Variants in PREP observed in about 807,000 individuals in gnomAD.
PREP encodes prolyl endopeptidase, also known as dJ355L5.1 (prolyl endopeptidase).
Under a neutral mutation model 87.6 loss-of-function variants are expected in PREP, and 29 were observed. The observed-to-expected ratio is 0.33, with a 90% CI of 0.25 to 0.45. The LOEUF (loss-of-function observed/expected upper bound fraction) is 0.45, where lower values mean the gene tolerates loss of function less well. Among genes scored for constraint, PREP ranks in the 20% least tolerant of loss-of-function variants. The probability of loss-of-function intolerance (pLI) is 1.00; values close to 1 mark genes in which losing one functional copy is unlikely to be tolerated. For synonymous variants in PREP, 337 were observed against 328.6 expected (o/e 1.03, Z -0.28); for missense variants, 695 against 886.5 (o/e 0.78, Z 2.74).
intron 7 of PREP, among the ~76,000 whole-genome samples, chr6:105,344,031 A>G (rs1771733342): frequency 6.6e-6 from 1 of 152,254 alleles, no homozygotes; most frequent in Admixed American, 6.5e-5. Flanking sequence ...GTATATACCC[A>G]AAGGATTATA....
intron 2 of PREP, among the ~76,000 whole-genome samples, chr6:105,396,702 T>A (rs530129107): frequency 8.6e-5 from 13 of 151,114 alleles, no homozygotes; most frequent in East Asian, 5.9e-4. Context: ...TTTTTTTTTT[T>A]AAATGGGAAA....
At chr6:105,313,874 GTT>G (rs1373183248) in intron 10 of PREP, among the ~76,000 whole-genome samples, 2 of 152,176 alleles carry the variant, frequency 1.3e-5, no homozygotes, top group Admixed American at 6.5e-5. Flanking sequence ...AGTAAATAAA[GTT>G]TTATTTTATT....
intron 8 of PREP, 73 bp downstream of exon 8, chr6:105,333,241 T>A: frequency 7.2e-7 from 1 of 1,395,512 alleles, no homozygotes; most frequent in Non-Finnish European, 1.0e-6. Flanking sequence ...CACTAGAGAA[T>A]GAGAGACGCA....
At chr6:105,358,114 A>G (rs921369873) in intron 6 of PREP, among the ~76,000 whole-genome samples, 24 of 152,136 alleles carry the variant, frequency 1.6e-4, no homozygotes, top group African/African-American at 4.8e-4. Flanking sequence ...TTTTAAATCT[A>G]TATTATTTTA....
chr6:105,322,215 G>A (rs1771030468), intron 10 of PREP: 1 of 828,608 alleles, frequency 1.2e-6, no homozygotes, highest in Non-Finnish European at 1.4e-6. Flanking sequence ...CTCCCTCCAG[G>A]CAATGGCTCA....
In PREP at chr6:105,278,347, C is replaced by T; in HGVS notation, c.1930G>A (p.Val644Met). 2 of 1,614,130 alleles carry T rather than the reference C, an allele frequency of 1.2e-6. No individual in the cohort carries two copies. The highest frequency in any genetic ancestry group is 1.7e-6 in the Non-Finnish European group (2 of 1,180,008). Residue 644 changes from valine to methionine, a missense_variant, in exon 15 of 15, where the codon GTG becomes ATG. Around this residue, in one of 5 missense-constraint regions of PREP, gnomAD observed 121 missense variants for 154.8 expected, o/e 0.78. Coordinates refer to ENST00000652536, the MANE Select transcript of PREP (RefSeq NM_002726.5). This position sits in a 1 kb window ranked among gnomAD's most constrained non-coding sequence, Gnocchi z 4.2. ...LLLTADHDDR[V>M]VPLHSLKFIA... The stretch of plus-strand genomic sequence containing the variant: ...AACTTCAGGGAGTGAAGCGGGACCA[C>T]GCGGTCATCATGGTCAGCAGTGAGG...
chr6:105,364,238 G>A (rs758879510), intron 6 of PREP, among the ~76,000 whole-genome samples: 2 of 152,184 alleles, frequency 1.3e-5, no homozygotes, highest in Non-Finnish European at 2.9e-5. Context: ...AAAGTGTCCA[G>A]AAAGCAAGGA....
At chr6:105,332,050 G>A (rs1247140122) in intron 8 of PREP, among the ~76,000 whole-genome samples, 2 of 152,140 alleles carry the variant, frequency 1.3e-5, no homozygotes, top group African/African-American at 4.8e-5. Flanking sequence ...TTACAGATGT[G>A]AATTTCAAGC....
intron 10 of PREP, among the ~76,000 whole-genome samples, chr6:105,303,962 T>C (rs555210328): frequency 6.6e-6 from 1 of 152,360 alleles, no homozygotes; most frequent in East Asian, 1.9e-4. Context: ...AAAACACTTA[T>C]TTAGTTCTTA....
intron 9 of PREP, among the ~76,000 whole-genome samples, chr6:105,327,355 A>T (rs1328659747): frequency 6.6e-6 from 1 of 152,182 alleles, no homozygotes; most frequent in Non-Finnish European, 1.5e-5. Context: ...TCGAACGGTC[A>T]CTTCCTGGCT....
At chr6:105,323,250 T>C in intron 10 of PREP, 1 of 710,770 alleles carries the variant, frequency 1.4e-6, no homozygotes, top group Non-Finnish European at 2.2e-6. Flanking sequence ...GAAATGCACA[T>C]GAACTTCAGA....
chr6:105,344,340 A>G (rs541480396), intron 7 of PREP, among the ~76,000 whole-genome samples: 1 of 152,152 alleles, frequency 6.6e-6, no homozygotes, highest in East Asian at 1.9e-4. Context: ...AAATACAAAA[A>G]AATTAGCCAG....
chr6:105,354,800 A>G (rs919519758), intron 6 of PREP, among the ~76,000 whole-genome samples: 5 of 152,078 alleles, frequency 3.3e-5, no homozygotes, highest in African/African-American at 1.2e-4. Flanking sequence ...CTCTCTATGT[A>G]TATATATACA....
intron 8 of PREP, among the ~76,000 whole-genome samples, chr6:105,332,310 C>T (rs1204065757): frequency 6.6e-6 from 1 of 152,056 alleles, no homozygotes; most frequent in Non-Finnish European, 1.5e-5. Context: ...CCCCAAGCAA[C>T]GCTAGGTTTA....
At chr6:105,367,544 C>T (rs1224328986) in intron 6 of PREP, among the ~76,000 whole-genome samples, 2 of 151,030 alleles carry the variant, frequency 1.3e-5, no homozygotes, top group African/African-American at 2.4e-5. Flanking sequence ...TAGTGGCGGG[C>T]GCCTGTAGTC....
chr6:105,368,318 A>G (rs749241151), intron 6 of PREP, among the ~76,000 whole-genome samples: 2 of 152,234 alleles, frequency 1.3e-5, no homozygotes, highest in Non-Finnish European at 2.9e-5. Context: ...AAGTTTCTTC[A>G]CAGCTGATTC....
chr6:105,274,584 G>C lies in PREP; in HGVS notation c.*3560C>G. Among the ~76,000 whole-genome samples, 1 of 152,078 alleles carries C rather than the reference G, an allele frequency of 6.6e-6. No homozygotes were observed. Among genetic ancestry groups the C allele is most frequent in the Admixed American group, 6.5e-5 (1 of 15,270 alleles). On this transcript the variant is annotated 3_prime_UTR_variant, in exon 15 of 15. Transcript: ENST00000652536. ...AGTTCAAGACCAGCCTGGCCAACAT[G>C]GTGAAACCCCATCTCTACTAAAAAT...
At chr6:105,373,690 A>G in intron 4 of PREP, 112 bp from the exon 5 acceptor site, 1 of 1,087,200 alleles carries the variant, frequency 9.2e-7, no homozygotes, top group Non-Finnish European at 1.3e-6. Context: ...ATGTGGCAAT[A>G]AAAGGAATAG....
chr6:105,280,035 T>TAG (rs1471704250), intron 14 of PREP, among the ~76,000 whole-genome samples: 5 of 152,208 alleles, frequency 3.3e-5, no homozygotes, highest in Non-Finnish European at 5.9e-5. Flanking sequence ...CCTTAGAGAA[T>TAG]AGAGTTTAGT....
Sources: gnomAD v4.1 joint callset for allele counts (sites outside exome capture counted in the v4.1 genomes callset) on GRCh38, gnomAD v4.1.1 for gene constraint, gnomAD v4.1.1 regional missense constraint, Gnocchi (gnomAD v3.1) non-coding constraint, MANE v1.5 for transcripts, NCBI Gene and HGNC (gene_info 2026-07-23, HGNC 2026-07-21) for gene names.